Variants in ZNF433 observed in about 807,000 individuals in gnomAD.
ZNF433 encodes zinc finger protein 433.
A neutral mutation model predicts 10.6 loss-of-function variants in ZNF433; 12 were observed. The ratio of observed to expected loss-of-function variants is 1.13; its 90% CI spans 0.72 to 1.83. The LOEUF (loss-of-function observed/expected upper bound fraction) is 1.83, where lower values mean the gene tolerates loss of function less well. Ranked by LOEUF, ZNF433 falls within the 40% of genes most tolerant of loss-of-function variation. The pLI, the probability that ZNF433 is intolerant of heterozygous loss-of-function variation, is 0.00. For synonymous variants in ZNF433, 272 were observed against 271.3 expected, an observed-to-expected ratio of 1.00 and a Z score of -0.02; for missense variants, 737 against 798.0, an observed-to-expected ratio of 0.92 and a Z score of 0.92.
At chr19:12,018,650 C>T (rs1399269564) in intron 1 of ZNF433, 1 of 165,370 alleles carries the variant, frequency 6.0e-6, no homozygotes, top group Non-Finnish European at 1.2e-5. Context: ...AGTCCTGAGG[C>T]TGCATATCCT....
intron 1 of ZNF433, among the ~76,000 whole-genome samples, chr19:12,020,340 T>C (rs1333002654): frequency 6.6e-6 from 1 of 151,688 alleles, no homozygotes; most frequent in Non-Finnish European, 1.5e-5. Flanking sequence ...AAATGACCAA[T>C]AAGTATATGA....
chr19:12,027,788 G>T (rs1239592010), intron 1 of ZNF433: 2 of 152,180 alleles, frequency 1.3e-5, no homozygotes, highest in African/African-American at 4.8e-5. Flanking sequence ...CTGGGTTAGG[G>T]TCTCCATGAC....
At chr19:12,033,695 T>G (rs1975142330) in intron 1 of ZNF433, among the ~76,000 whole-genome samples, 3 of 149,848 alleles carry the variant, frequency 2.0e-5, no homozygotes, top group South Asian at 4.2e-4. Flanking sequence ...GGTGACGGGC[T>G]CCTGTAGTCC....
At chr19:12,022,763 CAGCTAA>C (rs1568335788) in intron 1 of ZNF433, among the ~76,000 whole-genome samples, 1 of 152,170 alleles carries the variant, frequency 6.6e-6, no homozygotes, top group Non-Finnish European at 1.5e-5. Flanking sequence ...GTTTGTTTGC[CAGCTAA>C]AGCTAAAGTG....
Position 12,026,746 on chromosome 19 carries a change from C to T in ZNF433, c.4-8454G>A, listed in dbSNP as rs191934797. 17 of 454,136 alleles carry T rather than the reference C, an allele frequency of 3.7e-5. No individual in the cohort carries two copies. The East Asian group carries it at 6.3e-4, about 17-fold the overall frequency. 28.1% of individuals were successfully genotyped at this position (454,136 alleles called of 1,614,324 possible). ...CAGAACAGGCAGAGGTGCTGCACAACGATTCCTATGGAGTCATTATTGATT... is the reference window on the plus strand; with the variant it reads ...CAGAACAGGCAGAGGTGCTGCACAATGATTCCTATGGAGTCATTATTGATT... On this transcript the variant is annotated intron_variant, in intron 1 of 3. Transcript: ENST00000550507.
chr19:12,031,942 TTTC>T (rs1290072121), intron 1 of ZNF433, among the ~76,000 whole-genome samples: 2 of 146,802 alleles, frequency 1.4e-5, no homozygotes, highest in East Asian at 1.9e-4. Flanking sequence ...TCTTTCTCTT[TTTC>T]TTTTTTTTTT....
chr19:12,020,927 A>C (rs1402866164), intron 1 of ZNF433, among the ~76,000 whole-genome samples: 1 of 151,466 alleles, frequency 6.6e-6, no homozygotes, highest in Non-Finnish European at 1.5e-5. Flanking sequence ...TAAAAAAAAA[A>C]AAACAGCACT....
intron 1 of ZNF433, chr19:12,027,263 G>T (rs1021619032): frequency 5.9e-6 from 2 of 341,828 alleles, no homozygotes; most frequent in Non-Finnish European, 1.1e-5. Flanking sequence ...GTCTGCAGAT[G>T]TGGATCCCAA....
At chr19:12,032,503 A>G (rs1268875593) in intron 1 of ZNF433, among the ~76,000 whole-genome samples, 2 of 143,920 alleles carry the variant, frequency 1.4e-5, no homozygotes, top group Non-Finnish European at 3.0e-5. Flanking sequence ...TTTTTTTTTG[A>G]GATGGAGACT....
Position 12,017,865 on chromosome 19 carries a change from G to A in ZNF433, c.191+11C>T, listed in dbSNP as rs752547214. On this transcript the variant is annotated intron_variant, in intron 3 of 3. Coordinates refer to ENST00000550507, the MANE Select transcript of ZNF433 (RefSeq NM_001308348.2). ...AGAGACACACGTCTTTGTCATGTGA[G>A]TGCAAGTTACCTTAGGTTTCTCCTT... The A allele has an allele frequency of 2.6e-6, 4 of 1,549,188 alleles. No homozygotes were observed. Among genetic ancestry groups the A allele is most frequent in the Non-Finnish European group, 3.5e-6 (4 of 1,144,914 alleles).
At chr19:12,018,024 C>T (rs1027319245) in intron 2 of ZNF433, 88 bp from the exon 3 acceptor site, 1 of 1,285,394 alleles carries the variant, frequency 7.8e-7, no homozygotes, top group Non-Finnish European at 1.1e-6. Context: ...ACACTGCAAG[C>T]ATGCTTCCTT....
At position 12,035,536 on chromosome 19, in the gene ZNF433, C is replaced by T; in HGVS notation, c.3+1G>A. 6.4e-7 allele frequency: 1 copy of T among 1,573,366 alleles called. No individual in the cohort carries two copies. The highest frequency in any genetic ancestry group is 8.6e-7 in the Non-Finnish European group (1 of 1,159,500). ...TCGGGACCCCTGGCCCGCACGCTCA[C>T]CATTTCTTGCCTTTCAGGTGACTCC... is the stretch of plus-strand genomic sequence containing the variant. On this transcript the variant is annotated splice_donor_variant, in intron 1 of 3. Coordinates refer to ENST00000550507, the MANE Select transcript of ZNF433 (RefSeq NM_001308348.2). LOFTEE classifies it high-confidence loss of function.
At chr19:12,032,954 A>G (rs1975102821) in intron 1 of ZNF433, among the ~76,000 whole-genome samples, 1 of 152,214 alleles carries the variant, frequency 6.6e-6, no homozygotes, top group Non-Finnish European at 1.5e-5. Context: ...GAAAGAACAC[A>G]GTGATGTTTG....
intron 1 of ZNF433, among the ~76,000 whole-genome samples, chr19:12,019,301 A>G (rs1028937446): frequency 2.6e-5 from 4 of 151,972 alleles, no homozygotes; most frequent in Admixed American, 6.6e-5. Flanking sequence ...TGCACCTGCA[A>G]TTCCACTACT....
In ZNF433 at chr19:12,015,449, C is replaced by T; in HGVS notation, c.1409G>A (p.Arg470Lys). The stretch of plus-strand genomic sequence containing the variant: ...CTTACATTCATACGGCTTCTCTTCT[C>T]TGTGCATCCTTTCATGTATTTGAAA... ...SFFQIHERMH[R>K]EEKPYECKGY... Residue 470 changes from arginine (R) to lysine (K), a missense_variant, in exon 4 of 4, where the codon AGA (arginine) becomes AAA (lysine). Physicochemically the swap from Arg to Lys is conservative, Grantham distance 26. Transcript: ENST00000550507. 3 of 1,613,964 alleles carry T rather than the reference C, an allele frequency of 1.9e-6. No individual in the cohort carries two copies. Among genetic ancestry groups the T allele is most frequent in the South Asian group, 1.1e-5 (1 of 91,082 alleles).
At chr19:12,028,867 T>C (rs1307814536) in intron 1 of ZNF433, among the ~76,000 whole-genome samples, 2 of 152,152 alleles carry the variant, frequency 1.3e-5, no homozygotes, top group Non-Finnish European at 2.9e-5. Context: ...AATTTCTTAA[T>C]TTTTGTGAAG....
In ZNF433 at chr19:12,015,894, C is replaced by G. The variant is rs200880994; in HGVS notation, c.964G>C (p.Val322Leu). The change falls in exon 4 of 4, where the codon GTT becomes CTT. Residue 322 changes from valine to leucine, a missense_variant. Val to Leu is a conservative substitution (Grantham distance 32). Coordinates refer to ENST00000550507, the MANE Select transcript of ZNF433 (RefSeq NM_001308348.2). Reference protein sequence around the residue: ...CGKAFKCPSSVRRHERTHSRK... With the variant: ...CGKAFKCPSSLRRHERTHSRK... ...GAGTGGGTTCTTTCATGTCTGCGAA[C>G]AGAACTGGGACACTTGAATGCTTTT... 1 of 1,613,138 alleles carries G rather than the reference C, an allele frequency of 6.2e-7. No individual in the cohort carries two copies. The highest frequency in any genetic ancestry group is 1.1e-5 in the South Asian group (1 of 90,986).
Position 12,016,377 on chromosome 19 carries a change from G to A in ZNF433, c.481C>T (p.His161Tyr). Residue 161 changes from histidine (H) to tyrosine (Y), a missense_variant, in exon 4 of 4, where the codon CAT (histidine) becomes TAT (tyrosine). His to Tyr is a moderately conservative substitution (Grantham distance 83). Transcript: ENST00000550507. ...LSSVQTHERAHSGRKLYVCEE... is the reference protein window; with the variant it reads ...LSSVQTHERAYSGRKLYVCEE... ...CAAACATAGAGTTTCCTTCCACTAT[G>A]AGCCCTTTCATGTGTCTGAACAGAG... 1.2e-6 allele frequency: 2 copies of A among 1,614,144 alleles called. No homozygotes were observed. Among genetic ancestry groups the A allele is most frequent in the Non-Finnish European group, 1.7e-6 (2 of 1,180,024 alleles).
At chr19:12,029,980 G>T (rs1291765585) in intron 1 of ZNF433, among the ~76,000 whole-genome samples, 1 of 150,084 alleles carries the variant, frequency 6.7e-6, no homozygotes, top group African/African-American at 2.5e-5. Context: ...TACTCGGAAG[G>T]CTGAGGCAGG....
Sources: allele counts gnomAD v4.1 joint callset (sites outside exome capture counted in the v4.1 genomes callset), GRCh38; gene constraint gnomAD v4.1.1; transcripts MANE v1.5; gene names NCBI Gene and HGNC (gene_info 2026-07-23, HGNC 2026-07-21).